Variants in NEK10 observed in about 807,000 individuals in gnomAD.
NEK10 encodes the protein serine/threonine-protein kinase Nek10.
NEK10 carries 122 observed loss-of-function variants against 159.8 expected under a neutral mutation model. That is an observed-to-expected ratio of 0.76 (90% CI 0.66 to 0.89). The LOEUF (loss-of-function observed/expected upper bound fraction) is 0.89. NEK10 is among the 40% of genes least tolerant of loss of function. The pLI is 0.00. For synonymous variants in NEK10, 466 were observed against 457.1 expected (o/e 1.02, Z -0.25); for missense variants, 1,342 against 1,323.1 (o/e 1.01, Z -0.22).
chr3:27,190,557 C>T (rs995923554), intron 26 of NEK10, among the ~76,000 whole-genome samples: 1 of 152,094 alleles, frequency 6.6e-6, no homozygotes, highest in African/African-American at 2.4e-5. Flanking sequence ...AGGTGTTTTG[C>T]TAAAGATAAC....
At chr3:27,130,356 G>A (rs1460748992) in intron 32 of NEK10, among the ~76,000 whole-genome samples, 1 of 152,122 alleles carries the variant, frequency 6.6e-6, no homozygotes, top group Non-Finnish European at 1.5e-5. Flanking sequence ...TGTATCAGAA[G>A]GTAAATGCCC....
intron 30 of NEK10, among the ~76,000 whole-genome samples, chr3:27,142,522 AG>A (rs900886837): frequency 7.9e-5 from 12 of 151,908 alleles, no homozygotes; most frequent in African/African-American, 2.9e-4. Context: ...AAAAAAAAAA[AG>A]ATGAAAGTTC....
chr3:27,132,784 A>T (rs1285772565), intron 31 of NEK10, among the ~76,000 whole-genome samples: 3 of 152,186 alleles, frequency 2.0e-5, no homozygotes, highest in Non-Finnish European at 4.4e-5. Flanking sequence ...CAGAGTGGAA[A>T]TAATATTTGG....
intron 23 of NEK10, among the ~76,000 whole-genome samples, chr3:27,253,284 T>A (rs1955848136): frequency 6.6e-6 from 1 of 152,164 alleles, no homozygotes. Context: ...CCCATATATG[T>A]TCTGTGAAGA....
rs1939153529 is a variant in NEK10 at position 27,107,873 on chromosome 3, C to CA, written c.*3398_*3399insT. Among the ~76,000 whole-genome samples, 1 of 152,180 alleles carries CA rather than the reference C, an allele frequency of 6.6e-6. No individual in the cohort carries two copies. Among genetic ancestry groups the CA allele is most frequent in the Non-Finnish European group, 1.5e-5 (1 of 68,030 alleles). The stretch of plus-strand genomic sequence containing the variant: ...TTTCTAAAGGAACCCAGCATATTGA[C>CA]TGTGCATGATTCCTCACCACTTCAA... On this transcript the variant is annotated 3_prime_UTR_variant, in exon 36 of 36. Coordinates refer to ENST00000691995, the MANE Select transcript of NEK10 (RefSeq NM_001394966.1).
intron 6 of NEK10, among the ~76,000 whole-genome samples, chr3:27,316,796 A>AT (rs1160812814): frequency 6.6e-6 from 1 of 151,644 alleles, no homozygotes; most frequent in East Asian, 1.9e-4. Flanking sequence ...AAAAGAAAAA[A>AT]AAAGAAAAGA....
chr3:27,207,509 A>G (rs372091551), intron 23 of NEK10, among the ~76,000 whole-genome samples: 12 of 152,184 alleles, frequency 7.9e-5, no homozygotes, highest in African/African-American at 2.9e-4. Flanking sequence ...TTTGGGACAC[A>G]GTGAGGGCTA....
intron 23 of NEK10, chr3:27,215,775 G>A (rs1191491494): frequency 1.4e-6 from 1 of 716,034 alleles, no homozygotes. Flanking sequence ...TTTGCTTCTT[G>A]GGAGGCATCA....
intron 5 of NEK10, among the ~76,000 whole-genome samples, chr3:27,344,063 A>G (rs1052810074): frequency 2.6e-5 from 4 of 152,168 alleles, no homozygotes; most frequent in Non-Finnish European, 5.9e-5. Flanking sequence ...GTGTTTTCCC[A>G]TTTTTCCTTA....
chr3:27,210,540 C>G (rs528074001), intron 23 of NEK10, among the ~76,000 whole-genome samples: 2 of 152,202 alleles, frequency 1.3e-5, no homozygotes, highest in African/African-American at 4.8e-5. Context: ...ACCACCTTCA[C>G]TAGCCAGGCC....
rs559629926 is a variant in NEK10, at chr3:27,285,039, A to T, written c.1790-78T>A. The T allele has an allele frequency of 2.4e-4, 270 of 1,126,210 alleles. 4 individuals carry two copies. In the South Asian group the frequency reaches 4.0e-3, roughly 17 times the overall value. The allele number at this position is 1,126,210 out of a possible 1,614,324, so 69.8% of individuals were successfully genotyped here. Reference sequence around the variant, plus strand: ...TGAAAAACTTTACGAATGAGAGTTCAAGCTTCCCAGTGTCTGTGCGGGACA... The same window carrying T: ...TGAAAAACTTTACGAATGAGAGTTCTAGCTTCCCAGTGTCTGTGCGGGACA... On this transcript the variant is annotated intron_variant, in intron 20 of 35. Coordinates refer to ENST00000691995, the MANE Select transcript of NEK10 (RefSeq NM_001394966.1).
At chr3:27,197,560 T>C (rs1453775017) in intron 25 of NEK10, among the ~76,000 whole-genome samples, 1 of 152,176 alleles carries the variant, frequency 6.6e-6, no homozygotes, top group African/African-American at 2.4e-5. Flanking sequence ...CTTAAGACTG[T>C]AGATTTCGGC....
At chr3:27,331,041 G>C (rs968699283) in intron 5 of NEK10, among the ~76,000 whole-genome samples, 1 of 151,944 alleles carries the variant, frequency 6.6e-6, no homozygotes, top group Non-Finnish European at 1.5e-5. Context: ...TTCAAGACCA[G>C]CCTGGCCAAC....
At chr3:27,179,198 G>A (rs1306528581) in intron 26 of NEK10, among the ~76,000 whole-genome samples, 1 of 151,996 alleles carries the variant, frequency 6.6e-6, no homozygotes, top group Admixed American at 6.6e-5. Flanking sequence ...CTGGTGTTTT[G>A]GGGCCCTAAA....
At chr3:27,198,619 T>C (rs1559594686) in intron 25 of NEK10, among the ~76,000 whole-genome samples, 1 of 152,010 alleles carries the variant, frequency 6.6e-6, no homozygotes, top group Admixed American at 6.6e-5. Context: ...TTTACAAAAA[T>C]CTGAACTGAA....
At position 27,291,273 on chromosome 3, in the gene NEK10, A is replaced by G. The variant is rs1432405027; in HGVS notation, c.1594T>C (p.Cys532Arg). ...LDHLGSGAFG[C>R]VYKVRKHSGQ... ...AAGGGGAAAGTCACCTTGTAAACAC[A>G]GCCAAAAGCTCCACTTCCAAGATGA... Residue 532 changes from cysteine (C) to arginine (R), a missense_variant, in exon 18 of 36, where the codon TGT (cysteine) becomes CGT (arginine). Transcript: ENST00000691995. 2 of 1,612,908 alleles carry G rather than the reference A, an allele frequency of 1.2e-6. No homozygotes were observed. Among genetic ancestry groups the G allele is most frequent in the Admixed American group, 1.7e-5 (1 of 59,754 alleles).
rs1490545921 is a variant in NEK10, at chr3:27,331,261, A to AAAAACAAAATTTT, written c.363-9001_363-9000insAAAATTTTGTTTT. On this transcript the variant is annotated intron_variant, in intron 5 of 35. Coordinates refer to ENST00000691995, the MANE Select transcript of NEK10 (RefSeq NM_001394966.1). ...TCAAAAAAAAAAAAACAAAAAAAAA[A>AAAAACAAAATTTT]AACACACAAACCTAAGACTTTTGAG... is the stretch of plus-strand genomic sequence containing the variant. Among the ~76,000 whole-genome samples the AAAAACAAAATTTT allele has an allele frequency of 2.0e-4, 29 of 147,134 alleles. No homozygotes were observed. In the East Asian group the frequency reaches 5.4e-3, roughly 28 times the overall value.
intron 29 of NEK10, among the ~76,000 whole-genome samples, chr3:27,169,698 T>C (rs147398466): frequency 6.6e-6 from 1 of 152,328 alleles, no homozygotes; most frequent in African/African-American, 2.4e-5. Flanking sequence ...GAGCAGGTTC[T>C]TCTGAACTTC....
chr3:27,130,719 A>G (rs1041046078), intron 32 of NEK10, among the ~76,000 whole-genome samples: 2 of 152,188 alleles, frequency 1.3e-5, no homozygotes, highest in African/African-American at 4.8e-5. Context: ...CAAGCAACAT[A>G]TTATCTTTTC....
Sources: gnomAD v4.1 joint callset for allele counts (sites outside exome capture counted in the v4.1 genomes callset) on GRCh38, gnomAD v4.1.1 for gene constraint, MANE v1.5 for transcripts, NCBI Gene and HGNC (gene_info 2026-07-23, HGNC 2026-07-21) for gene names.